The following MYOM2 variants were observed in gnomAD, a reference collection of about 807,000 sequenced individuals.
MYOM2 encodes the protein myomesin 2.
A neutral mutation model predicts 187.6 loss-of-function variants in MYOM2; 254 were observed. The observed-to-expected ratio is 1.35, with a 90% confidence interval of 1.22 to 1.50. MYOM2 has a LOEUF of 1.50. Among genes scored for constraint, MYOM2 ranks in the 40% most tolerant of loss-of-function variants. The pLI, the probability that MYOM2 is intolerant of heterozygous loss-of-function variation, is 0.00. For synonymous variants in MYOM2, 981 were observed against 753.8 expected (o/e 1.30, Z -4.94); for missense variants, 2,796 against 1,924.0 (o/e 1.45, Z -8.48).
At chr8:2,047,674 A>G (rs1818352664) in intron 1 of MYOM2, among the ~76,000 whole-genome samples, 1 of 152,188 alleles carries the variant, frequency 6.6e-6, no homozygotes, top group Admixed American at 6.5e-5. Flanking sequence ...TGAAGTGAGC[A>G]GGGAATACAT....
chr8:2,067,306 T>C (rs973480757), intron 6 of MYOM2, among the ~76,000 whole-genome samples: 1 of 152,234 alleles, frequency 6.6e-6, no homozygotes, highest in African/African-American at 2.4e-5. Flanking sequence ...CTCTTGCTTT[T>C]CTCAAAAGTG....
intron 18 of MYOM2, among the ~76,000 whole-genome samples, chr8:2,097,759 T>C (rs1796543354): frequency 6.6e-6 from 1 of 152,178 alleles, no homozygotes; most frequent in Admixed American, 6.5e-5. Flanking sequence ...TCAGGTGATC[T>C]GCCCGCCTCA....
intron 32 of MYOM2, among the ~76,000 whole-genome samples, chr8:2,134,301 C>A (rs34789086): frequency 6.6e-6 from 1 of 151,934 alleles, no homozygotes; most frequent in Non-Finnish European, 1.5e-5. Context: ...GTCAGTCACT[C>A]GGAAGCACGC....
chr8:2,050,559 T>C (rs1003270946), intron 1 of MYOM2, among the ~76,000 whole-genome samples, 196 bp from the exon 2 acceptor site: 1 of 152,220 alleles, frequency 6.6e-6, no homozygotes, highest in African/African-American at 2.4e-5. Context: ...AAAATAAAGT[T>C]GGGTCCCTGG....
At chr8:2,142,145 G>C (rs1798295496) in intron 34 of MYOM2, among the ~76,000 whole-genome samples, 1 of 151,980 alleles carries the variant, frequency 6.6e-6, no homozygotes, top group African/African-American at 2.4e-5. Flanking sequence ...TTTAGCATCT[G>C]GATAATAGGG....
At chr8:2,136,340 G>T (rs1484738990) in intron 32 of MYOM2, among the ~76,000 whole-genome samples, 1 of 148,600 alleles carries the variant, frequency 6.7e-6, no homozygotes, top group East Asian at 2.0e-4. Context: ...TGGCAGCGGA[G>T]GCCGCAGCTG....
chr8:2,057,573 G>T (rs745458142), intron 4 of MYOM2, 50 bp from the exon 5 acceptor site: 4 of 1,613,146 alleles, frequency 2.5e-6, no homozygotes, highest in African/African-American at 1.3e-5. Context: ...GCCGAGGGTG[G>T]AGCTTGGCTC....
chr8:2,059,301 C>T, intron 6 of MYOM2, 56 bp downstream of exon 6: 1 of 1,519,532 alleles, frequency 6.6e-7, no homozygotes, highest in Non-Finnish European at 9.1e-7. Flanking sequence ...CATTGCAGAC[C>T]CCAAAGAAGA....
At chr8:2,102,873 ATGAG>A in intron 21 of MYOM2, 92 bp downstream of exon 21, 2 of 1,027,392 alleles carry the variant, frequency 1.9e-6, no homozygotes, top group South Asian at 2.9e-5. Flanking sequence ...GTGTGGATAA[ATGAG>A]TGGGAGAGTG....
At chr8:2,137,353 C>T (rs566607647) in intron 32 of MYOM2, among the ~76,000 whole-genome samples, 3 of 151,892 alleles carry the variant, frequency 2.0e-5, no homozygotes, top group African/African-American at 4.8e-5. Context: ...GGATGCAAGA[C>T]ACCAGGCATG....
chr8:2,060,575 A>T (rs1210766955), intron 6 of MYOM2, among the ~76,000 whole-genome samples: 1 of 152,162 alleles, frequency 6.6e-6, no homozygotes, highest in African/African-American at 2.4e-5. Context: ...ATTCTGACTA[A>T]ACTGTAAAGC....
At chr8:2,105,465 C>T (rs1228367132) in intron 21 of MYOM2, among the ~76,000 whole-genome samples, 1 of 152,166 alleles carries the variant, frequency 6.6e-6, no homozygotes, top group Non-Finnish European at 1.5e-5. Flanking sequence ...ACAACCCCTA[C>T]TCCCAAACAA....
rs561482549 is a variant in MYOM2, at chr8:2,116,039, C to T, written c.3260C>T (p.Thr1087Ile). The T allele has an allele frequency of 2.5e-6, 4 of 1,613,380 alleles. No individual in the cohort carries two copies. The highest frequency in any genetic ancestry group is 2.2e-5 in the East Asian group (1 of 44,840). Residue 1087 changes from threonine to isoleucine, a missense_variant, in exon 26 of 37, where the codon ACC (threonine) becomes ATC (isoleucine). By Grantham distance (89) the Thr-to-Ile change is moderately conservative (BLOSUM62 -1). Transcript: ENST00000262113. ...CGATTTAGTATTGAAAATGAGGGGA[C>T]CTACACTGTGCAGATTCATGATGGG... ...MDRFSIENEGTYTVQIHDGKA... is the reference protein window; with the variant it reads ...MDRFSIENEGIYTVQIHDGKA...
intron 1 of MYOM2, among the ~76,000 whole-genome samples, chr8:2,046,385 T>C (rs1175412661): frequency 2.6e-5 from 4 of 151,908 alleles, no homozygotes; most frequent in Admixed American, 2.6e-4. Flanking sequence ...ATTCCGGGAG[T>C]GGCCGGGGAG....
chr8:2,086,531 C>CATGATCTCT (rs1796080532), intron 14 of MYOM2, among the ~76,000 whole-genome samples: 8 of 135,868 alleles, frequency 5.9e-5, no homozygotes, highest in South Asian at 2.3e-4. Flanking sequence ...CCCACACTGT[C>CATGATCTCT]GTGTTTGCTG....
intron 24 of MYOM2, 90 bp downstream of exon 24, chr8:2,108,920 T>A: frequency 1.5e-6 from 2 of 1,313,106 alleles, no homozygotes; most frequent in Non-Finnish European, 2.2e-6. Context: ...AAGAACAGCT[T>A]TGGGGAAAGG....
In MYOM2 at chr8:2,057,748, C is replaced by T. The variant is rs139319077; in HGVS notation, c.528C>T (p.Thr176=). The T allele has an allele frequency of 1.5e-5, 24 of 1,614,068 alleles. No individual in the cohort carries two copies. Among genetic ancestry groups the T allele is most frequent in the East Asian group, 1.3e-4 (6 of 44,866 alleles). ...GGATGTCTGTGAAACTCTGCTTCAC[C>T]GTGCAAGGATTTCCCACGCCCGTGG... ...WERMSVKLCF[T]VQGFPTPVVQ... is the part of the protein sequence containing the mutation. Residue 176 remains threonine, a synonymous_variant, in exon 5 of 37, where the codon ACC becomes ACT. Transcript: ENST00000262113.
chr8:2,050,366 G>A (rs1332001978), intron 1 of MYOM2, among the ~76,000 whole-genome samples: 3 of 152,076 alleles, frequency 2.0e-5, no homozygotes, highest in Admixed American at 1.3e-4. Context: ...GGCTCTTATC[G>A]TATGTTCTCT....
intron 6 of MYOM2, among the ~76,000 whole-genome samples, chr8:2,062,242 G>A (rs951044219): frequency 1.3e-5 from 2 of 152,214 alleles, no homozygotes; most frequent in African/African-American, 2.4e-5. Flanking sequence ...TTGCTGGAGG[G>A]AGGCGGGGAG....
Sources: gnomAD v4.1 joint callset for allele counts (sites outside exome capture counted in the v4.1 genomes callset) on GRCh38, gnomAD v4.1.1 for gene constraint, MANE v1.5 for transcripts, NCBI Gene and HGNC (gene_info 2026-07-23, HGNC 2026-07-21) for gene names.